The following TRPS1 variants were observed in gnomAD, a reference collection of about 807,000 sequenced individuals.
The protein encoded by TRPS1 is transcriptional repressor GATA binding 1.
TRPS1 carries 6 observed loss-of-function variants against 101.2 expected under a neutral mutation model. The ratio of observed to expected loss-of-function variants is 0.06; its 90% CI spans 0.03 to 0.12. The LOEUF (loss-of-function observed/expected upper bound fraction) is 0.12, where lower values mean the gene tolerates loss of function less well. Among genes scored for constraint, TRPS1 ranks in the 10% least tolerant of loss-of-function variants. The probability of loss-of-function intolerance (pLI) is 1.00; values close to 1 mark genes in which losing one functional copy is unlikely to be tolerated. For missense variants in TRPS1, 1,363 were observed against 1,567.0 expected (o/e 0.87, Z 2.20); for synonymous variants, 578 against 589.8 (o/e 0.98, Z 0.29).
At chr8:115,542,455 TG>T (rs1165046376) in intron 5 of TRPS1, among the ~76,000 whole-genome samples, 1 of 151,888 alleles carries the variant, frequency 6.6e-6, no homozygotes, top group African/African-American at 2.4e-5. Context: ...TATTTATTTC[TG>T]GGGGCAGTGT....
intron 5 of TRPS1, among the ~76,000 whole-genome samples, chr8:115,582,387 G>A (rs1385506111): frequency 6.6e-6 from 1 of 152,192 alleles, no homozygotes; most frequent in South Asian, 2.1e-4. Flanking sequence ...CATCTCAATA[G>A]TCTGTCCGGT....
chr8:115,611,115 T>C (rs1215990249), intron 3 of TRPS1, among the ~76,000 whole-genome samples: 1 of 103,232 alleles, frequency 9.7e-6, no homozygotes, highest in East Asian at 3.6e-4. Context: ...AGACTCCATA[T>C]CAAAAAAAAA....
intron 5 of TRPS1, among the ~76,000 whole-genome samples, chr8:115,549,344 C>A (rs1333401211): frequency 6.6e-6 from 1 of 152,130 alleles, no homozygotes; most frequent in Admixed American, 6.5e-5. Context: ...ATAATTGTAA[C>A]AAGAGTCAAT....
At chr8:115,576,652 A>C (rs956598030) in intron 5 of TRPS1, among the ~76,000 whole-genome samples, 3 of 152,152 alleles carry the variant, frequency 2.0e-5, no homozygotes, top group Admixed American at 6.6e-5. Flanking sequence ...AAAAGAAAAA[A>C]TAACATCTAA....
At chr8:115,415,228 T>C (rs963601360) in intron 6 of TRPS1, 144 bp from the exon 7 acceptor site, 1 of 912,284 alleles carries the variant, frequency 1.1e-6, no homozygotes, top group South Asian at 2.0e-5. Context: ...TCTCCTCCTT[T>C]TGCCCTAAGC....
Position 115,587,271 on chromosome 8 carries a change from T to C in TRPS1, c.2430A>G (p.Ala810=). The C allele has an allele frequency of 6.2e-7, 1 of 1,614,246 alleles. No homozygotes were observed. Among genetic ancestry groups the C allele is most frequent in the Non-Finnish European group, 8.5e-7 (1 of 1,180,032 alleles). Residue 810 remains alanine, a synonymous_variant, in exon 5 of 7, where the codon GCA becomes GCG. Transcript: ENST00000395715. The part of the protein sequence containing the change: ...DDLRNVTWRG[A]DILRGSPSYT... Reference sequence around the variant, plus strand: ...ATGACGGACTCCCCCGCAGGATGTCTGCCCCTCTCCAAGTCACATTGCGAA... The same window carrying C: ...ATGACGGACTCCCCCGCAGGATGTCCGCCCCTCTCCAAGTCACATTGCGAA...
intron 1 of TRPS1, among the ~76,000 whole-genome samples, chr8:115,649,543 G>A (rs563125503): frequency 6.6e-6 from 1 of 152,192 alleles, no homozygotes; most frequent in Admixed American, 6.5e-5. Flanking sequence ...TGCTCAACCA[G>A]TGTGAATCAG....
chr8:115,625,475 G>A (rs149688253), intron 1 of TRPS1, among the ~76,000 whole-genome samples: 21 of 151,868 alleles, frequency 1.4e-4, no homozygotes, highest in African/African-American at 4.6e-4. Flanking sequence ...GCAAACCACC[G>A]GCGCCAAGGG....
intron 3 of TRPS1, among the ~76,000 whole-genome samples, chr8:115,613,557 G>C (rs1818216594): frequency 6.6e-6 from 1 of 152,188 alleles, no homozygotes; most frequent in Non-Finnish European, 1.5e-5. Context: ...GTGAAGACAG[G>C]CTTCCGTGGC....
intron 5 of TRPS1, among the ~76,000 whole-genome samples, chr8:115,556,836 T>G (rs755251526): frequency 6.6e-6 from 1 of 152,182 alleles, no homozygotes; most frequent in Non-Finnish European, 1.5e-5. Context: ...AGCTTCCTAT[T>G]ACCTCATCCC....
At chr8:115,526,278 C>G (rs1450765858) in intron 5 of TRPS1, among the ~76,000 whole-genome samples, 1 of 151,902 alleles carries the variant, frequency 6.6e-6, no homozygotes, top group Non-Finnish European at 1.5e-5. Context: ...CACTTACACT[C>G]CAGCGTGGGT....
intron 5 of TRPS1, among the ~76,000 whole-genome samples, chr8:115,513,839 T>C (rs924924175): frequency 6.6e-6 from 1 of 151,668 alleles, no homozygotes; most frequent in Non-Finnish European, 1.5e-5. Flanking sequence ...TGTTGAATAG[T>C]GTCCTGTGAT....
chr8:115,453,188 C>T (rs1225811825), intron 5 of TRPS1, among the ~76,000 whole-genome samples: 1 of 151,914 alleles, frequency 6.6e-6, no homozygotes, highest in African/African-American at 2.4e-5. Context: ...ATCCAGCTAC[C>T]TTTTGTATTT....
chr8:115,491,160 C>T (rs926083238), intron 5 of TRPS1, among the ~76,000 whole-genome samples: 4 of 152,164 alleles, frequency 2.6e-5, no homozygotes, highest in African/African-American at 4.8e-5. Flanking sequence ...TTGTTAAAGA[C>T]GATTCCAATT....
chr8:115,423,499 T>C (rs1245739171), intron 5 of TRPS1, among the ~76,000 whole-genome samples: 6 of 152,202 alleles, frequency 3.9e-5, no homozygotes, highest in African/African-American at 1.4e-4. Flanking sequence ...ATCATCCAAA[T>C]AGATATAGAA....
intron 5 of TRPS1, among the ~76,000 whole-genome samples, chr8:115,432,702 T>C (rs1586268240): frequency 6.6e-6 from 1 of 151,876 alleles, no homozygotes; most frequent in African/African-American, 2.4e-5. Flanking sequence ...AGTTAGTCAA[T>C]CTAGTGCAGG....
chr8:115,453,552 C>T, intron 5 of TRPS1, among the ~76,000 whole-genome samples: 1 of 152,166 alleles, frequency 6.6e-6, no homozygotes, highest in East Asian at 1.9e-4. Context: ...TCAGACAGTT[C>T]ATCACATGTC....
intron 5 of TRPS1, among the ~76,000 whole-genome samples, chr8:115,425,972 G>A (rs1813177132): frequency 6.6e-6 from 1 of 152,130 alleles, no homozygotes; most frequent in African/African-American, 2.4e-5. Context: ...TATGCATTTG[G>A]ACAGCTAAAA....
At chr8:115,498,090 A>T (rs185509492) in intron 5 of TRPS1, among the ~76,000 whole-genome samples, 1 of 152,054 alleles carries the variant, frequency 6.6e-6, no homozygotes, top group Non-Finnish European at 1.5e-5. Context: ...TACAAAAGAA[A>T]TTATAGGCTG....
Sources: allele counts gnomAD v4.1 joint callset (sites outside exome capture counted in the v4.1 genomes callset), GRCh38; gene constraint gnomAD v4.1.1; transcripts MANE v1.5; gene names NCBI Gene and HGNC (gene_info 2026-07-23, HGNC 2026-07-21).